The following ATRN variants were observed in gnomAD, a reference collection of about 807,000 sequenced individuals.
ATRN encodes the protein attractin.
In ATRN, 54 loss-of-function variants were observed where a neutral mutation model predicts 178.7. The observed-to-expected ratio is 0.30, with a 90% CI of 0.24 to 0.38. The LOEUF is 0.38. Ranked by LOEUF, ATRN falls within the 10% of genes least tolerant of loss-of-function variation. The pLI, the probability that ATRN is intolerant of heterozygous loss-of-function variation, is 1.00. For missense variants in ATRN, 1,443 were observed against 1,815.1 expected (o/e 0.79, Z 3.73); for synonymous variants, 636 against 663.0 (o/e 0.96, Z 0.63).
At chr20:3,584,952 C>T (rs544172612) in intron 18 of ATRN, 72 bp downstream of exon 18, 60 of 1,423,830 alleles carry the variant, frequency 4.2e-5, no homozygotes, top group South Asian at 1.4e-4. Context: ...TTGAAAGCTA[C>T]GTTGTGTATA....
intron 25 of ATRN, among the ~76,000 whole-genome samples, chr20:3,628,406 A>G (rs533421085): frequency 3.3e-5 from 5 of 152,356 alleles, no homozygotes; most frequent in South Asian, 2.1e-4. Flanking sequence ...CACAGTTTCA[A>G]TTACTCAGGG....
intron 24 of ATRN, among the ~76,000 whole-genome samples, chr20:3,610,490 G>A (rs2086746403): frequency 6.6e-6 from 1 of 151,782 alleles, no homozygotes; most frequent in Admixed American, 6.6e-5. Flanking sequence ...TGACTCCTGG[G>A]CTCAAGTAAC....
chr20:3,550,753 T>C (rs1472806842), intron 6 of ATRN, among the ~76,000 whole-genome samples: 1 of 152,142 alleles, frequency 6.6e-6, no homozygotes, highest in African/African-American at 2.4e-5. Context: ...TCGTAGGAGA[T>C]TGGATCTCTA....
At chr20:3,533,127 C>T (rs2085477714) in intron 1 of ATRN, among the ~76,000 whole-genome samples, 1 of 152,130 alleles carries the variant, frequency 6.6e-6, no homozygotes, top group Non-Finnish European at 1.5e-5. Context: ...CAAGGCAGCC[C>T]CTGAAGGAAT....
chr20:3,636,767 G>T (rs2146324014), intron 26 of ATRN, among the ~76,000 whole-genome samples: 1 of 152,298 alleles, frequency 6.6e-6, no homozygotes, highest in Middle Eastern at 3.4e-3. Flanking sequence ...GGCAGACGAG[G>T]CTTTAACTAG....
At chr20:3,506,774 G>A (rs1296212419) in intron 1 of ATRN, among the ~76,000 whole-genome samples, 1 of 151,928 alleles carries the variant, frequency 6.6e-6, no homozygotes, top group Non-Finnish European at 1.5e-5. Flanking sequence ...TAAATGATTA[G>A]TATCTTTATT....
chr20:3,628,856 T>C, intron 25 of ATRN: 3 of 982,032 alleles, frequency 3.1e-6, no homozygotes, highest in Non-Finnish European at 2.4e-6. Flanking sequence ...CTGCCTATTA[T>C]GCAATCTTTT....
At chr20:3,498,409 T>TAAAC (rs2084910372) in intron 1 of ATRN, among the ~76,000 whole-genome samples, 1 of 152,116 alleles carries the variant, frequency 6.6e-6, no homozygotes, top group East Asian at 1.9e-4. Context: ...ATATCCTTGA[T>TAAAC]AAACATTGAT....
intron 15 of ATRN, among the ~76,000 whole-genome samples, chr20:3,581,908 G>C (rs879866537): frequency 2.0e-5 from 3 of 152,076 alleles, no homozygotes; most frequent in Non-Finnish European, 4.4e-5. Flanking sequence ...TACTTAACTT[G>C]GTGGTTTTTA....
At chr20:3,631,079 G>C (rs453496) in intron 25 of ATRN, among the ~76,000 whole-genome samples, 1 of 151,220 alleles carries the variant, frequency 6.6e-6, no homozygotes, top group African/African-American at 2.4e-5. Context: ...CTCCCAAGTA[G>C]AGCTGGGACT....
Position 3,649,912 on chromosome 20 carries a change from C to T in ATRN, c.*3065C>T, listed in dbSNP as rs867661227. 2.0e-5 allele frequency: 3 copies of T among 152,108 alleles called. No individual in the cohort carries two copies. The highest frequency in any genetic ancestry group is 4.4e-5 in the Non-Finnish European group (3 of 68,022). The allele number at this position is 152,108 out of a possible 1,614,324, so 9.4% of individuals were successfully genotyped here. The stretch of plus-strand genomic sequence containing the variant: ...GTTTGTTGATAAATAGTTCCCATTT[C>T]CCCATGGAGAATTTGACATACCCTG... On this transcript the variant is annotated 3_prime_UTR_variant, in exon 29 of 29. Coordinates refer to ENST00000262919, the MANE Select transcript of ATRN (RefSeq NM_139321.3).
At chr20:3,568,470 G>A (rs1254940469) in intron 11 of ATRN, among the ~76,000 whole-genome samples, 3 of 151,894 alleles carry the variant, frequency 2.0e-5, no homozygotes, top group Non-Finnish European at 4.4e-5. Context: ...CTATGATGAC[G>A]CCACTGCACT....
rs563270995 is a variant in ATRN, at chr20:3,517,815, G to T, written c.411-17438G>T. 3.3e-5 allele frequency among the ~76,000 whole-genome samples: 5 copies of T among 152,144 alleles called. No individual in the cohort carries two copies. The South Asian group carries it at 1.0e-3, about 32-fold the overall frequency. On this transcript the variant is annotated intron_variant, in intron 1 of 28. Transcript: ENST00000262919. Reference sequence around the variant, plus strand: ...AAACAAATTTTTAACAACTCAGCAGGCTTAGTCTGCTTTCTTTCACAGTCT... The same window carrying T: ...AAACAAATTTTTAACAACTCAGCAGTCTTAGTCTGCTTTCTTTCACAGTCT...
chr20:3,521,948 AT>A (rs561224932), intron 1 of ATRN, among the ~76,000 whole-genome samples: 2,128 of 145,252 alleles, frequency 0.015, 36 homozygotes, highest in African/African-American at 0.044. Flanking sequence ...CATTCAGCTA[AT>A]TTTTTTTTTT....
intron 1 of ATRN, among the ~76,000 whole-genome samples, chr20:3,482,783 CACTG>C (rs1017619813): frequency 4.6e-5 from 7 of 152,204 alleles, no homozygotes; most frequent in African/African-American, 1.7e-4. Context: ...CTTTGAGAAA[CACTG>C]ACCAATACTG....
chr20:3,559,439 A>G lies in ATRN; in HGVS notation c.1159A>G (p.Asn387Asp), dbSNP rs531512993. 3.2e-4 allele frequency: 513 copies of G among 1,614,008 alleles called. 5 individuals carry two copies. In the South Asian group the frequency reaches 4.4e-3, roughly 14 times the overall value. Residue 387 changes from asparagine (N) to aspartate (D), a missense_variant, in exon 7 of 29, where the codon AAC becomes GAC. Asn to Asp is a conservative substitution (Grantham distance 23). This residue lies in a region of ATRN where 862 missense variants were observed against 972.1 expected (regional missense o/e 0.89). Coordinates refer to ENST00000262919, the MANE Select transcript of ATRN (RefSeq NM_139321.3). ...GTGGCTTCCACTAAACCGTTCTGTG[A>G]ACAATGTGGTTGTTAGATATGGTCA... The part of the protein sequence containing the change: ...REWLPLNRSV[N>D]NVVVRYGHSL...
chr20:3,627,291 C>G (rs6051982), intron 25 of ATRN, among the ~76,000 whole-genome samples: 1,757 of 152,292 alleles, frequency 0.012, 39 homozygotes, highest in African/African-American at 0.04. Context: ...CTCAGAACCT[C>G]TAGGGGTGCA....
chr20:3,615,065 A>T (rs1485237375), intron 24 of ATRN, among the ~76,000 whole-genome samples: 1 of 152,098 alleles, frequency 6.6e-6, no homozygotes, highest in African/African-American at 2.4e-5. Context: ...ATAGTGTCAG[A>T]TATACTTTTA....
At chr20:3,594,696 T>C (rs947899066) in intron 20 of ATRN, 124 bp downstream of exon 20, 4 of 710,324 alleles carry the variant, frequency 5.6e-6, no homozygotes, top group Non-Finnish European at 6.4e-6. Context: ...GATCCCTGGG[T>C]TGATTAGTTT....
Sources: allele counts gnomAD v4.1 joint callset (sites outside exome capture counted in the v4.1 genomes callset), GRCh38; gene constraint gnomAD v4.1.1; regional missense constraint gnomAD v4.1.1; transcripts MANE v1.5; gene names NCBI Gene and HGNC (gene_info 2026-07-23, HGNC 2026-07-21).